Variants in TTLL5 observed in about 807,000 individuals in gnomAD.
The protein encoded by TTLL5 is tubulin polyglutamylase TTLL5.
In TTLL5, 132 loss-of-function variants were observed where a neutral mutation model predicts 168.4. That is an observed-to-expected ratio of 0.78 (90% CI 0.68 to 0.91). The LOEUF is 0.91. Ranked by LOEUF, TTLL5 falls within the 40% of genes least tolerant of loss-of-function variation. TTLL5 has a pLI of 0.00. For synonymous variants in TTLL5, 546 were observed against 558.6 expected (o/e 0.98, Z 0.32); for missense variants, 1,545 against 1,581.5 (o/e 0.98, Z 0.39).
At chr14:75,851,095 CA>C (rs35393032) in intron 28 of TTLL5, among the ~76,000 whole-genome samples, 95 of 95,924 alleles carry the variant, frequency 9.9e-4, no homozygotes, top group African/African-American at 1.8e-3. Flanking sequence ...GACCTTGTCT[CA>C]AAAAAAAAAA....
intron 30 of TTLL5, among the ~76,000 whole-genome samples, chr14:75,895,519 T>G (rs1323129841): frequency 6.6e-5 from 10 of 151,050 alleles, no homozygotes; most frequent in African/African-American, 1.7e-4. Flanking sequence ...TAAAAAGAGG[T>G]TTTTTTTTAA....
intron 12 of TTLL5, among the ~76,000 whole-genome samples, chr14:75,723,570 T>C (rs1447130662): frequency 1.3e-5 from 2 of 152,232 alleles, no homozygotes; most frequent in East Asian, 3.8e-4. Flanking sequence ...ATCTTTGTTC[T>C]AAATAATTAT....
chr14:75,946,699 A>G (rs1019911831), intron 31 of TTLL5, among the ~76,000 whole-genome samples: 1 of 152,212 alleles, frequency 6.6e-6, no homozygotes, highest in Admixed American at 6.5e-5. Context: ...AACAGACCAA[A>G]TAAGTAACAC....
At chr14:75,855,485 A>G (rs1319247903) in intron 28 of TTLL5, among the ~76,000 whole-genome samples, 1 of 152,172 alleles carries the variant, frequency 6.6e-6, no homozygotes, top group Non-Finnish European at 1.5e-5. Context: ...GGCAAGTCAT[A>G]GTTTGCACCA....
chr14:75,895,775 A>G (rs1308571163), intron 30 of TTLL5, among the ~76,000 whole-genome samples: 1 of 152,218 alleles, frequency 6.6e-6, no homozygotes, highest in South Asian at 2.1e-4. Context: ...AAAGGACAAC[A>G]GAGTAAACTA....
chr14:75,830,969 CAG>C (rs768391903), intron 28 of TTLL5, among the ~76,000 whole-genome samples: 14 of 152,052 alleles, frequency 9.2e-5, no homozygotes, highest in Admixed American at 2.6e-4. Flanking sequence ...CCATGATGTC[CAG>C]TATGGTAGCC....
intron 2 of TTLL5, among the ~76,000 whole-genome samples, chr14:75,667,950 G>A (rs566859794): frequency 4.0e-5 from 6 of 151,734 alleles, no homozygotes; most frequent in South Asian, 4.2e-4. Flanking sequence ...TAGTAGAGAC[G>A]GGGTTTCACC....
intron 23 of TTLL5, among the ~76,000 whole-genome samples, chr14:75,777,588 C>G (rs927610398): frequency 3.3e-5 from 5 of 152,112 alleles, no homozygotes; most frequent in Admixed American, 3.3e-4. Context: ...GTAAAACTTA[C>G]ACTGGAGGAT....
intron 28 of TTLL5, among the ~76,000 whole-genome samples, chr14:75,830,564 A>AT (rs1204449348): frequency 6.6e-6 from 1 of 152,172 alleles, no homozygotes; most frequent in African/African-American, 2.4e-5. Flanking sequence ...TACAGTTTTT[A>AT]TTTTTTCATT....
intron 28 of TTLL5, among the ~76,000 whole-genome samples, chr14:75,839,875 T>G (rs922298922): frequency 1.3e-5 from 2 of 152,226 alleles, no homozygotes; most frequent in African/African-American, 4.8e-5. Flanking sequence ...TTTGGAGAAA[T>G]CTCTGTTTAA....
At chr14:75,891,111 C>A (rs533532303) in intron 30 of TTLL5, among the ~76,000 whole-genome samples, 1 of 152,326 alleles carries the variant, frequency 6.6e-6, no homozygotes, top group South Asian at 2.1e-4. Context: ...AATATGACCT[C>A]TCTCCTGTCT....
At chr14:75,766,023 A>G (rs771144322) in intron 19 of TTLL5, 39 bp from the exon 20 acceptor site, 15 of 1,555,988 alleles carry the variant, frequency 9.6e-6, no homozygotes, top group Non-Finnish European at 1.3e-5. Flanking sequence ...GGAACATTTA[A>G]TCCTTTTTTC....
chr14:75,764,095 C>T (rs548374124), intron 18 of TTLL5, among the ~76,000 whole-genome samples: 9 of 152,288 alleles, frequency 5.9e-5, no homozygotes, highest in Admixed American at 4.6e-4. Context: ...TCAGTCAACT[C>T]GGTGCTCCCT....
At chr14:75,900,885 C>T (rs542839193) in intron 30 of TTLL5, among the ~76,000 whole-genome samples, 2 of 152,224 alleles carry the variant, frequency 1.3e-5, no homozygotes, top group African/African-American at 4.8e-5. Context: ...GCATTTAGCA[C>T]ACACTTTGTG....
intron 31 of TTLL5, among the ~76,000 whole-genome samples, chr14:75,927,212 G>A (rs1165737131): frequency 6.6e-6 from 1 of 152,140 alleles, no homozygotes; most frequent in East Asian, 1.9e-4. Flanking sequence ...GGAGAATGGG[G>A]TAGCCATCTT....
In TTLL5 at chr14:75,732,021, G is replaced by A. The variant is rs561212914; in HGVS notation, c.1043-317G>A. The A allele has an allele frequency of 7.7e-4, 110 of 142,032 alleles. 1 individual carries two copies. The highest frequency in any genetic ancestry group is 1.4e-3 in the Non-Finnish European group (97 of 67,856). The allele number at this position is 142,032 out of a possible 1,614,324, so 8.8% of individuals were successfully genotyped here. A position where few individuals can be genotyped will look rare whatever the true frequency, so the allele number is the denominator to read the frequency against. Reference sequence around the variant, plus strand: ...GCCTCTTTTTTTTTTTTTTTTTTACGCCCATAAGCACAGCAGAATCGTGCT... The same window carrying A: ...GCCTCTTTTTTTTTTTTTTTTTTACACCCATAAGCACAGCAGAATCGTGCT... On this transcript the variant is annotated intron_variant, in intron 12 of 31. Transcript: ENST00000298832.
rs531999287 is a variant in TTLL5, at chr14:75,812,444, C to T, written c.3172-7563C>T. Reference sequence around the variant, plus strand: ...TGTTTTTTTGTTTTTTCGTTGTTACCACTATTTCTCAGGGCAGCATAGCAA... The same window carrying T: ...TGTTTTTTTGTTTTTTCGTTGTTACTACTATTTCTCAGGGCAGCATAGCAA... On this transcript the variant is annotated intron_variant, in intron 27 of 31. Transcript: ENST00000298832. 2.0e-5 allele frequency among the ~76,000 whole-genome samples: 3 copies of T among 152,176 alleles called. No individual in the cohort carries two copies. In the East Asian group the frequency reaches 5.8e-4, roughly 29 times the overall value.
intron 31 of TTLL5, among the ~76,000 whole-genome samples, chr14:75,924,924 A>C (rs1595278170): frequency 7.2e-6 from 1 of 139,648 alleles, no homozygotes; most frequent in African/African-American, 2.8e-5. Flanking sequence ...TGACCCCCCC[A>C]CCTCCCTCCT....
At chr14:75,931,996 G>A (rs2034291850) in intron 31 of TTLL5, among the ~76,000 whole-genome samples, 1 of 152,152 alleles carries the variant, frequency 6.6e-6, no homozygotes, top group Admixed American at 6.6e-5. Context: ...ATAGTACTGG[G>A]CATATAGTAG....
Sources: allele counts gnomAD v4.1 joint callset (sites outside exome capture counted in the v4.1 genomes callset), GRCh38; gene constraint gnomAD v4.1.1; transcripts MANE v1.5; gene names NCBI Gene and HGNC (gene_info 2026-07-23, HGNC 2026-07-21).